KCNMA1: variants seen among roughly 807,000 people sequenced by gnomAD.
KCNMA1 encodes the protein potassium calcium-activated channel subfamily M alpha 1.
A neutral mutation model predicts 140.0 loss-of-function variants in KCNMA1; 29 were observed. The ratio of observed to expected loss-of-function variants is 0.21; its 90% CI spans 0.15 to 0.28. The LOEUF (loss-of-function observed/expected upper bound fraction) is 0.28, where lower values mean the gene tolerates loss of function less well. KCNMA1 is among the 10% of genes least tolerant of loss of function. The probability of loss-of-function intolerance (pLI) is 1.00; values close to 1 mark genes in which losing one functional copy is unlikely to be tolerated. For synonymous variants in KCNMA1, 612 were observed against 611.9 expected, an observed-to-expected ratio of 1.00 and a Z score of 0.00; for missense variants, 880 against 1,602.2, an observed-to-expected ratio of 0.55 and a Z score of 7.70.
At chr10:77,327,844 T>C (rs751524704) in intron 2 of KCNMA1, among the ~76,000 whole-genome samples, 1 of 152,174 alleles carries the variant, frequency 6.6e-6, no homozygotes, top group South Asian at 2.1e-4. Context: ...TGTGCGATCT[T>C]AGGTAAGCCA....
At chr10:77,217,993 A>T (rs1406559454) in intron 3 of KCNMA1, among the ~76,000 whole-genome samples, 2 of 152,214 alleles carry the variant, frequency 1.3e-5, no homozygotes, top group Non-Finnish European at 2.9e-5. Flanking sequence ...TACTTTAAAT[A>T]TATATCTCAA....
chr10:77,504,420 C>A (rs927376907), intron 1 of KCNMA1, among the ~76,000 whole-genome samples: 5 of 152,038 alleles, frequency 3.3e-5, no homozygotes, highest in African/African-American at 1.2e-4. Context: ...ACCGAGCAAC[C>A]GAGAGGGGTG....
intron 19 of KCNMA1, among the ~76,000 whole-genome samples, chr10:76,976,471 C>T (rs969504700): frequency 1.3e-5 from 2 of 152,188 alleles, no homozygotes; most frequent in Non-Finnish European, 2.9e-5. Flanking sequence ...ACAGAATCCA[C>T]ATGACATGGA....
chr10:77,156,986 G>A (rs557082195), intron 5 of KCNMA1, among the ~76,000 whole-genome samples: 18 of 152,288 alleles, frequency 1.2e-4, no homozygotes, highest in Admixed American at 2.6e-4. Flanking sequence ...CTGATTTGAA[G>A]GATAACCCTA....
intron 1 of KCNMA1, chr10:77,636,175 A>T: frequency 7.0e-7 from 1 of 1,418,516 alleles, no homozygotes; most frequent in Non-Finnish European, 9.2e-7. Flanking sequence ...AATTACTCAG[A>T]AAGAAGGCAG....
At chr10:77,129,798 A>T (rs1348722223) in intron 5 of KCNMA1, among the ~76,000 whole-genome samples, 9 of 152,040 alleles carry the variant, frequency 5.9e-5, no homozygotes, top group Admixed American at 1.3e-4. Flanking sequence ...AAAAAAGAAA[A>T]AAATTATCCA....
At chr10:76,989,617 T>C (rs541716093) in intron 19 of KCNMA1, among the ~76,000 whole-genome samples, 6 of 152,328 alleles carry the variant, frequency 3.9e-5, no homozygotes, top group African/African-American at 7.2e-5. Context: ...TATAGCTGTC[T>C]CTTGGTATTT....
chr10:77,581,093 C>T (rs11002210), intron 1 of KCNMA1, among the ~76,000 whole-genome samples: 24,977 of 152,030 alleles, frequency 0.16, 2,957 homozygotes, highest in East Asian at 0.52. Flanking sequence ...ACCCTACATT[C>T]GCATTCTGCA....
At chr10:77,569,940 A>G (rs1421379140) in intron 1 of KCNMA1, among the ~76,000 whole-genome samples, 1 of 152,180 alleles carries the variant, frequency 6.6e-6, no homozygotes, top group Admixed American at 6.5e-5. Flanking sequence ...ATGAACAGAC[A>G]CTTCTCAAAA....
chr10:76,958,526 G>A (rs922284446), intron 20 of KCNMA1, among the ~76,000 whole-genome samples: 6 of 152,054 alleles, frequency 3.9e-5, no homozygotes, highest in African/African-American at 1.2e-4. Flanking sequence ...CTTAACCGCC[G>A]GTACCTCAGA....
At chr10:77,408,937 G>A (rs146969900) in intron 1 of KCNMA1, among the ~76,000 whole-genome samples, 87 of 152,300 alleles carry the variant, frequency 5.7e-4, no homozygotes, top group African/African-American at 2.0e-3. Context: ...ACATCAGAAG[G>A]TGGGGAGGAA....
chr10:77,043,719 CTAATTGAAA>C (rs1235373674), intron 14 of KCNMA1, among the ~76,000 whole-genome samples: 7 of 152,184 alleles, frequency 4.6e-5, no homozygotes, highest in African/African-American at 1.7e-4. Flanking sequence ...AGGCATTACG[CTAATTGAAA>C]TAACCCAATC....
At chr10:77,240,340 C>G (rs977228071) in intron 3 of KCNMA1, among the ~76,000 whole-genome samples, 3 of 152,072 alleles carry the variant, frequency 2.0e-5, no homozygotes. Flanking sequence ...GTATTTGCCT[C>G]GAGAAAAATG....
intron 2 of KCNMA1, among the ~76,000 whole-genome samples, chr10:77,295,559 A>T (rs565807629): frequency 6.6e-6 from 1 of 151,650 alleles, no homozygotes; most frequent in Non-Finnish European, 1.5e-5. Context: ...AGGCGGGTGG[A>T]TCATGAGGTC....
chr10:77,349,456 T>A (rs1475032253), intron 2 of KCNMA1, among the ~76,000 whole-genome samples: 1 of 152,134 alleles, frequency 6.6e-6, no homozygotes, highest in Non-Finnish European at 1.5e-5. Context: ...CATCCTCCCA[T>A]CGACTGGGCA....
intron 29 of KCNMA1, among the ~76,000 whole-genome samples, chr10:76,878,625 C>T (rs1254882600): frequency 1.3e-5 from 2 of 152,166 alleles, no homozygotes; most frequent in East Asian, 3.9e-4. Flanking sequence ...TCTTAACTGA[C>T]TATAATAACC....
chr10:76,966,814 C>T (rs1239606255), intron 20 of KCNMA1, among the ~76,000 whole-genome samples: 2 of 152,202 alleles, frequency 1.3e-5, no homozygotes. Flanking sequence ...ATTTATCCAT[C>T]ATTACACGTG....
intron 22 of KCNMA1, among the ~76,000 whole-genome samples, chr10:76,947,417 C>A (rs1357334736): frequency 6.6e-6 from 1 of 152,052 alleles, no homozygotes; most frequent in Non-Finnish European, 1.5e-5. Context: ...AAAACACACA[C>A]ACAAATACCA....
At chr10:77,383,154 C>A (rs2154431865) in intron 2 of KCNMA1, among the ~76,000 whole-genome samples, 1 of 151,766 alleles carries the variant, frequency 6.6e-6, no homozygotes, top group Admixed American at 6.6e-5. Context: ...CCATCCCCCT[C>A]CCTCATTCAG....
Sources: allele counts gnomAD v4.1 joint callset (sites outside exome capture counted in the v4.1 genomes callset), GRCh38; gene constraint gnomAD v4.1.1; transcripts MANE v1.5; gene names NCBI Gene and HGNC (gene_info 2026-07-23, HGNC 2026-07-21).